The following UBL7 variants were observed in gnomAD, a reference collection of about 807,000 sequenced individuals.
UBL7 encodes ubiquitin-like protein 7.
Under a neutral mutation model 41.7 loss-of-function variants are expected in UBL7, and 21 were observed. The observed-to-expected ratio is 0.50, with a 90% CI of 0.36 to 0.73. The LOEUF (loss-of-function observed/expected upper bound fraction) is 0.73, where lower values mean the gene tolerates loss of function less well. Ranked by LOEUF, UBL7 falls within the 30% of genes least tolerant of loss-of-function variation. The pLI is 0.00. For missense variants in UBL7, 403 were observed against 478.4 expected (o/e 0.84, Z 1.47); for synonymous variants, 157 against 186.9 (o/e 0.84, Z 1.31).
rs77218660 is a variant in UBL7, at chr15:74,460,679, G to T, written c.-30+358C>A. The T allele has an allele frequency of 5.5e-4, 712 of 1,288,158 alleles. 7 individuals carry two copies. In the African/African-American group the frequency reaches 0.01, roughly 19 times the overall value. The allele number at this position is 1,288,158 out of a possible 1,614,324, so 79.8% of individuals were successfully genotyped here. ...CCTTGTCCCCATACCTGGCATACAT[G>T]GAACCCCAGAAAATAAATCAGAAAC... On this transcript the variant is annotated intron_variant, in intron 1 of 10. Coordinates refer to ENST00000395081, the MANE Select transcript of UBL7 (RefSeq NM_032907.5).
chr15:74,458,540 T>C, intron 2 of UBL7, 144 bp downstream of exon 2: 2 of 700,002 alleles, frequency 2.9e-6, no homozygotes, highest in South Asian at 3.7e-5. Flanking sequence ...TTTGTGTTTC[T>C]ATTTACCCAA....
chr15:74,449,423 C>T, intron 8 of UBL7, 70 bp from the exon 9 acceptor site: 4 of 1,577,240 alleles, frequency 2.5e-6, no homozygotes, highest in South Asian at 1.1e-5. Context: ...CCACCCACCT[C>T]CAGCAATAGT....
intron 2 of UBL7, among the ~76,000 whole-genome samples, chr15:74,457,591 G>T (rs532746772): frequency 4.1e-4 from 61 of 148,110 alleles, no homozygotes; most frequent in Non-Finnish European, 8.0e-4. Context: ...ACAAAAATTA[G>T]CCAGTTGTGG....
intron 1 of UBL7, among the ~76,000 whole-genome samples, chr15:74,459,372 C>G (rs1223718889): frequency 6.6e-6 from 1 of 151,106 alleles, no homozygotes; most frequent in Non-Finnish European, 1.5e-5. Context: ...GCGATCTCGG[C>G]TCACTGCAAG....
rs891788908 is a variant in UBL7 at position 74,449,491 on chromosome 15, A to G, written c.714+135T>C. 1.9e-6 allele frequency: 3 copies of G among 1,544,074 alleles called. No homozygotes were observed. The Admixed American group carries it at 5.3e-5, about 27-fold the overall frequency. ...AAAGGAATCCAAAAGCAGAAATAGT[A>G]TGACATGGTCTTGGCCCCCCAATGG... On this transcript the variant is annotated intron_variant, in intron 8 of 10. Coordinates refer to ENST00000395081, the MANE Select transcript of UBL7 (RefSeq NM_032907.5).
At chr15:74,451,296 C>T in intron 5 of UBL7, 140 bp downstream of exon 5, 1 of 756,458 alleles carries the variant, frequency 1.3e-6, no homozygotes, top group Non-Finnish European at 2.2e-6. Context: ...GGATATCAAA[C>T]ACACCTTGAT....
intron 3 of UBL7, among the ~76,000 whole-genome samples, chr15:74,453,180 C>G (rs2141319560): frequency 6.6e-6 from 1 of 152,288 alleles, no homozygotes; most frequent in African/African-American, 2.4e-5. Flanking sequence ...GATCATGAGG[C>G]TGTCTTTTGA....
chr15:74,455,058 A>C (rs1218167411), intron 3 of UBL7, among the ~76,000 whole-genome samples: 4 of 152,164 alleles, frequency 2.6e-5, no homozygotes, highest in Admixed American at 2.6e-4. Context: ...ACAATTGTTC[A>C]TGATCCCCAA....
rs1005344887 is a variant in UBL7, at chr15:74,451,001, C to T, written c.473-142G>A. On this transcript the variant is annotated intron_variant, in intron 5 of 10. Coordinates refer to ENST00000395081, the MANE Select transcript of UBL7 (RefSeq NM_032907.5). Reference sequence around the variant, plus strand: ...TTCATGAGAAGTAGAGGAAGCAAAGCGCCAAGCAATACAATTCAGGTACTC... The same window carrying T: ...TTCATGAGAAGTAGAGGAAGCAAAGTGCCAAGCAATACAATTCAGGTACTC... 24 of 847,206 alleles carry T rather than the reference C, an allele frequency of 2.8e-5. No individual in the cohort carries two copies. In the East Asian group the frequency reaches 4.4e-4, roughly 16 times the overall value. 52.5% of individuals were successfully genotyped at this position (847,206 alleles called of 1,614,324 possible). A position where few individuals can be genotyped will look rare whatever the true frequency, so the allele number is the denominator to read the frequency against.
rs920775201 is a variant in UBL7 at position 74,451,589 on chromosome 15, G to A, written c.388-69C>T. On this transcript the variant is annotated intron_variant, in intron 4 of 10. Transcript: ENST00000395081. ...TGTACTCATCAAATGCCCACACTCTGCCAAAGGACTTCCTCCCTCTAAGTG... is the reference window on the plus strand; with the variant it reads ...TGTACTCATCAAATGCCCACACTCTACCAAAGGACTTCCTCCCTCTAAGTG... The A allele has an allele frequency of 1.5e-4, 196 of 1,264,760 alleles. 1 individual carries two copies. The African/African-American group carries it at 2.3e-3, about 15-fold the overall frequency. The allele number at this position is 1,264,760 out of a possible 1,614,324, so 78.3% of individuals were successfully genotyped here. A position where few individuals can be genotyped will look rare whatever the true frequency, so the allele number is the denominator to read the frequency against.
intron 3 of UBL7, among the ~76,000 whole-genome samples, chr15:74,453,411 G>A (rs2061267590): frequency 6.6e-6 from 1 of 152,054 alleles, no homozygotes; most frequent in African/African-American, 2.4e-5. Flanking sequence ...TCCCAGCTAG[G>A]GTACCAGGAA....
chr15:74,458,762 C>T lies in UBL7; in HGVS notation c.106G>A (p.Gly36Arg). 6.2e-7 allele frequency: 1 copy of T among 1,614,042 alleles called. No individual in the cohort carries two copies. The highest frequency in any genetic ancestry group is 8.5e-7 in the Non-Finnish European group (1 of 1,180,018). ...TTCAGAAATGAAATACTATAGCCCC[C>T]TAGCGAGTATTCTCCCAGTTCTGTC... The part of the protein sequence containing the change: ...PETELGEYSL[G>R]GYSISFLKQL... Residue 36 changes from glycine to arginine, a missense_variant, in exon 2 of 11, where the codon GGG becomes AGG. By Grantham distance (125) the Gly-to-Arg change is moderately radical (BLOSUM62 -2). Coordinates refer to ENST00000395081, the MANE Select transcript of UBL7 (RefSeq NM_032907.5).
At chr15:74,450,486 C>T (rs950100449) in intron 6 of UBL7, among the ~76,000 whole-genome samples, 2 of 152,220 alleles carry the variant, frequency 1.3e-5, no homozygotes, top group Non-Finnish European at 2.9e-5. Context: ...AGCTTTGACA[C>T]TTTACGGATC....
Position 74,451,504 on chromosome 15 carries a change from C to G in UBL7, c.404G>C (p.Ser135Thr). The G allele has an allele frequency of 6.2e-7, 1 of 1,614,068 alleles. No individual in the cohort carries two copies. Among genetic ancestry groups the G allele is most frequent in the Non-Finnish European group, 8.5e-7 (1 of 1,180,012 alleles). The change falls in exon 5 of 11, where the codon AGC becomes ACC. Residue 135 changes from serine to threonine, a missense_variant. Ser to Thr is a moderately conservative substitution (Grantham distance 58). Transcript: ENST00000395081. The stretch of plus-strand genomic sequence containing the variant: ...GATCTGATCCAGAGACTCCTTATTG[C>G]TGAGCATCTTAAAGACCTGCAGGAG... ...SYREAVFKML[S>T]NKESLDQIIV... is the part of the protein sequence containing the mutation.
intron 9 of UBL7, 29 bp downstream of exon 9, chr15:74,449,157 C>A (rs372819904): frequency 2.0e-6 from 3 of 1,520,004 alleles, no homozygotes; most frequent in African/African-American, 1.4e-5. Flanking sequence ...GGGGGCCCAG[C>A]CTTGATCTTC....
rs146139385 is a variant in UBL7, at chr15:74,447,241, C to A, written c.1006-1014G>T. 1.6e-3 allele frequency among the ~76,000 whole-genome samples: 246 copies of A among 152,302 alleles called. 1 individual carries two copies. The highest frequency in any genetic ancestry group is 5.7e-3 in the African/African-American group (236 of 41,574). ...GAACCCTATCGTTACGACTTCATGGCCTTATGACCCCAGACAAGTTCCAGG... is the reference window on the plus strand; with the variant it reads ...GAACCCTATCGTTACGACTTCATGGACTTATGACCCCAGACAAGTTCCAGG... On this transcript the variant is annotated intron_variant, in intron 10 of 10. Transcript: ENST00000395081.
intron 3 of UBL7, among the ~76,000 whole-genome samples, chr15:74,452,772 C>T (rs951161013): frequency 1.3e-5 from 2 of 152,140 alleles, no homozygotes; most frequent in East Asian, 1.9e-4. Context: ...AATGCAGTGG[C>T]GCAATCTCGG....
chr15:74,454,409 T>A (rs1483324396), intron 3 of UBL7, among the ~76,000 whole-genome samples: 1 of 152,146 alleles, frequency 6.6e-6, no homozygotes, highest in African/African-American at 2.4e-5. Context: ...AGGACTTTTT[T>A]TTTTTTGAGA....
At chr15:74,449,526 A>C in intron 8 of UBL7, 100 bp downstream of exon 8, 1 of 1,585,250 alleles carries the variant, frequency 6.3e-7, no homozygotes, top group South Asian at 1.1e-5. Flanking sequence ...GCGTATGTCC[A>C]TCTCCCAGCC....
Sources: allele counts gnomAD v4.1 joint callset (sites outside exome capture counted in the v4.1 genomes callset), GRCh38; gene constraint gnomAD v4.1.1; transcripts MANE v1.5; gene names NCBI Gene and HGNC (gene_info 2026-07-23, HGNC 2026-07-21).